GRIK1: variants seen among roughly 807,000 people sequenced by gnomAD.
The protein encoded by GRIK1 is glutamate receptor ionotropic, kainate 1.
A neutral mutation model predicts 105.7 loss-of-function variants in GRIK1; 69 were observed. The ratio of observed to expected loss-of-function variants is 0.65; its 90% CI spans 0.54 to 0.80. The LOEUF (loss-of-function observed/expected upper bound fraction) is 0.80, where lower values mean the gene tolerates loss of function less well. Ranked by LOEUF, GRIK1 falls within the 30% of genes least tolerant of loss-of-function variation. The pLI is 0.00. For missense variants in GRIK1, 1,109 were observed against 1,167.3 expected, an observed-to-expected ratio of 0.95 and a Z score of 0.73; for synonymous variants, 438 against 431.3, an observed-to-expected ratio of 1.02 and a Z score of -0.19.
chr21:29,574,812 C>T (rs978595107), intron 14 of GRIK1, among the ~76,000 whole-genome samples: 1 of 151,414 alleles, frequency 6.6e-6, no homozygotes, highest in Non-Finnish European at 1.5e-5. Context: ...CTCAGCCTCC[C>T]GAGTAGCTGG....
At chr21:29,725,912 T>C (rs945671084) in intron 1 of GRIK1, among the ~76,000 whole-genome samples, 3 of 152,210 alleles carry the variant, frequency 2.0e-5, no homozygotes, top group Non-Finnish European at 4.4e-5. Flanking sequence ...TTTTCAGACT[T>C]TACACTTCAG....
chr21:29,555,180 C>G lies in GRIK1; in HGVS notation c.2479G>C (p.Ala827Pro). Reference sequence around the variant, plus strand: ...ATATTTTCCACTCCCAGGGCACTGGCTTCTTTGTTGTCTTCCTCGGGGCAG... The same window carrying G: ...ATATTTTCCACTCCCAGGGCACTGGGTTCTTTGTTGTCTTCCTCGGGGCAG... ...NGCPEEDNKEASALGVENIGG... is the reference protein window; with the variant it reads ...NGCPEEDNKEPSALGVENIGG... The change falls in exon 16 of 18, where the codon GCC becomes CCC. Residue 827 changes from alanine to proline, a missense_variant. Physicochemically the swap from Ala to Pro is conservative, Grantham distance 27 (BLOSUM62 -1). Around this residue, in one of 5 missense-constraint regions of GRIK1, gnomAD observed 161 missense variants for 143.4 expected, o/e 1.12. Transcript: ENST00000327783. 6.2e-7 allele frequency: 1 copy of G among 1,614,016 alleles called. No individual in the cohort carries two copies. Among genetic ancestry groups the G allele is most frequent in the Non-Finnish European group, 8.5e-7 (1 of 1,179,930 alleles).
At chr21:29,879,003 G>A (rs188132976) in intron 1 of GRIK1, among the ~76,000 whole-genome samples, 2 of 152,074 alleles carry the variant, frequency 1.3e-5, no homozygotes, top group South Asian at 4.1e-4. Context: ...ATGGTCCTTT[G>A]TCATAGCAGC....
At chr21:29,588,777 T>G in intron 11 of GRIK1, 62 bp downstream of exon 11, 2 of 928,228 alleles carry the variant, frequency 2.2e-6, no homozygotes, top group South Asian at 1.5e-5. Flanking sequence ...CTGACATCAT[T>G]TTTTCCTCTC....
chr21:29,827,999 C>G (rs1392324834), intron 1 of GRIK1, among the ~76,000 whole-genome samples: 5 of 97,016 alleles, frequency 5.2e-5, no homozygotes, highest in African/African-American at 1.6e-4. Flanking sequence ...CTCTCTCTCT[C>G]TCTGTCTCTC....
At position 29,640,107 on chromosome 21, in the gene GRIK1, ATTTT is replaced by A. The variant is rs11342979; in HGVS notation, c.1098+2715_1098+2718del. Among the ~76,000 whole-genome samples the A allele has an allele frequency of 4.7e-3, 662 of 141,406 alleles. 4 individuals are homozygous for A. The highest frequency in any genetic ancestry group is 0.011 in the Middle Eastern group (3 of 276). 92.8% of individuals were successfully genotyped at this position (141,406 alleles called of 152,430 possible). A position where few individuals can be genotyped will look rare whatever the true frequency, so the allele number is the denominator to read the frequency against. ...TCAATCTGCTGACTTGCTTCTTTTC[ATTTT>A]TTTTTTTCTGACTCTAGTTTTGGAA... is the stretch of plus-strand genomic sequence containing the variant. On this transcript the variant is annotated intron_variant, in intron 7 of 17. Transcript: ENST00000327783.
At chr21:29,751,019 G>T (rs1214553041) in intron 1 of GRIK1, among the ~76,000 whole-genome samples, 1 of 152,126 alleles carries the variant, frequency 6.6e-6, no homozygotes, top group Non-Finnish European at 1.5e-5. Flanking sequence ...TCGCTGGCAG[G>T]CAGGGACAGG....
At chr21:29,868,618 C>T (rs1241854551) in intron 1 of GRIK1, among the ~76,000 whole-genome samples, 1 of 152,126 alleles carries the variant, frequency 6.6e-6, no homozygotes, top group Admixed American at 6.5e-5. Flanking sequence ...GAGTTTCTGT[C>T]CCTTCCTCCT....
chr21:29,541,933 T>A (rs1443061814), intron 16 of GRIK1, among the ~76,000 whole-genome samples: 2 of 152,206 alleles, frequency 1.3e-5, no homozygotes, highest in South Asian at 2.1e-4. Flanking sequence ...ACCTTTATAA[T>A]AATGTCTGAT....
At chr21:29,872,847 A>G (rs1227128736) in intron 1 of GRIK1, among the ~76,000 whole-genome samples, 3 of 152,170 alleles carry the variant, frequency 2.0e-5, no homozygotes, top group African/African-American at 7.2e-5. Context: ...GGTCCCTTCC[A>G]TGACACATGG....
intron 16 of GRIK1, among the ~76,000 whole-genome samples, chr21:29,552,000 C>T (rs2146116145): frequency 6.6e-6 from 1 of 152,142 alleles, no homozygotes; most frequent in African/African-American, 2.4e-5. Context: ...ATGATATTTT[C>T]TTCTGAGTAC....
intron 1 of GRIK1, among the ~76,000 whole-genome samples, chr21:29,933,220 T>A (rs143499024): frequency 1.4e-3 from 217 of 152,262 alleles, no homozygotes; most frequent in African/African-American, 3.4e-3. Context: ...ATGGTAATCT[T>A]AAACCTTTAA....
At chr21:29,851,085 C>G (rs563219795) in intron 1 of GRIK1, among the ~76,000 whole-genome samples, 2 of 150,248 alleles carry the variant, frequency 1.3e-5, no homozygotes, top group African/African-American at 4.9e-5. Context: ...GATGGAGTCT[C>G]TCTCTGTTGC....
At chr21:29,860,936 G>A (rs1384592263) in intron 1 of GRIK1, among the ~76,000 whole-genome samples, 4 of 151,522 alleles carry the variant, frequency 2.6e-5, no homozygotes, top group Non-Finnish European at 5.9e-5. Context: ...TCACATATTG[G>A]AAATGATAAT....
chr21:29,537,141 T>C lies in GRIK1; in HGVS notation c.*89A>G. ...AATCAGAGTTATGGATATAGATATA[T>C]GGAAACACATCACACACTCCTCAGA... On this transcript the variant is annotated 3_prime_UTR_variant, in exon 18 of 18. Coordinates refer to ENST00000327783, the MANE Select transcript of GRIK1 (RefSeq NM_001330994.2). The C allele has an allele frequency of 1.2e-6, 1 of 831,866 alleles. No individual in the cohort carries two copies. Among genetic ancestry groups the C allele is most frequent in the South Asian group, 2.2e-5 (1 of 45,080 alleles). 51.5% of individuals were successfully genotyped at this position (831,866 alleles called of 1,614,324 possible). A position where few individuals can be genotyped will look rare whatever the true frequency, so the allele number is the denominator to read the frequency against.
chr21:29,862,123 A>T (rs1373695802), intron 1 of GRIK1, among the ~76,000 whole-genome samples: 8 of 152,230 alleles, frequency 5.3e-5, no homozygotes, highest in Middle Eastern at 3.4e-3. Flanking sequence ...AGTAGCTGGG[A>T]CTACAGGTGT....
chr21:29,745,101 G>A (rs1214891809), intron 1 of GRIK1, among the ~76,000 whole-genome samples: 3 of 152,198 alleles, frequency 2.0e-5, no homozygotes, highest in Admixed American at 1.3e-4. Context: ...ACTGTGACAT[G>A]TATCTTGGTG....
intron 14 of GRIK1, among the ~76,000 whole-genome samples, chr21:29,574,683 CTTTTTTTT>C (rs71191118): frequency 7.1e-5 from 7 of 98,412 alleles, no homozygotes; most frequent in Non-Finnish European, 1.4e-4. Flanking sequence ...TGATACACTT[CTTTTTTTT>C]TTTTTTTTTT....
chr21:29,875,870 CTTCT>C (rs1370189701), intron 1 of GRIK1, among the ~76,000 whole-genome samples: 1 of 152,066 alleles, frequency 6.6e-6, no homozygotes, highest in Admixed American at 6.6e-5. Flanking sequence ...TCATAATTGT[CTTCT>C]TTATGAAAAA....
Sources: gnomAD v4.1 joint callset for allele counts (sites outside exome capture counted in the v4.1 genomes callset) on GRCh38, gnomAD v4.1.1 for gene constraint, gnomAD v4.1.1 regional missense constraint, MANE v1.5 for transcripts, NCBI Gene and HGNC (gene_info 2026-07-23, HGNC 2026-07-21) for gene names.